The following ALPK1 variants were observed in gnomAD, a reference collection of about 807,000 sequenced individuals.
ALPK1 encodes alpha-protein kinase 1.
Under a neutral mutation model 120.6 loss-of-function variants are expected in ALPK1, and 110 were observed. The observed-to-expected ratio is 0.91, with a 90% confidence interval of 0.78 to 1.07. ALPK1 has a LOEUF of 1.07. ALPK1 is among the 50% of genes least tolerant of loss of function. ALPK1 has a pLI of 0.00. For synonymous variants in ALPK1, 582 were observed against 560.3 expected (o/e 1.04, Z -0.55); for missense variants, 1,498 against 1,483.9 (o/e 1.01, Z -0.16).
chr4:112,328,093 A>C (rs1404779113), intron 2 of ALPK1, among the ~76,000 whole-genome samples: 1 of 152,250 alleles, frequency 6.6e-6, no homozygotes, highest in Admixed American at 6.5e-5. Context: ...GCAATGACTA[A>C]AAAAGAAAGC....
At chr4:112,347,876 G>A (rs1730167231) in intron 2 of ALPK1, among the ~76,000 whole-genome samples, 1 of 152,084 alleles carries the variant, frequency 6.6e-6, no homozygotes, top group Admixed American at 6.5e-5. Flanking sequence ...TGCCTATTTC[G>A]ATTTACTTAT....
At chr4:112,358,883 G>A (rs1286301279) in intron 2 of ALPK1, 12 of 773,308 alleles carry the variant, frequency 1.6e-5, no homozygotes, top group South Asian at 4.0e-5. Flanking sequence ...CTGCCCTGGC[G>A]ACCTGTCTTG....
intron 9 of ALPK1, 117 bp from the exon 10 acceptor site, chr4:112,429,032 G>A (rs1225683683): frequency 6.9e-6 from 6 of 864,274 alleles, no homozygotes; most frequent in Non-Finnish European, 9.7e-6. Context: ...TTCTGAACGG[G>A]TTGCGGTGAG....
At chr4:112,338,373 GTTTTTTTCTATAC>G (rs1729717710) in intron 2 of ALPK1, among the ~76,000 whole-genome samples, 2 of 152,100 alleles carry the variant, frequency 1.3e-5, no homozygotes, top group Non-Finnish European at 2.9e-5. Flanking sequence ...AAAGCATAGA[GTTTTTTTCTATAC>G]TTTTTTTCTA....
At position 112,370,582 on chromosome 4, in the gene ALPK1, T is replaced by C. The variant is rs191006305; in HGVS notation, c.-100-7096T>C. Among the ~76,000 whole-genome samples, 12 of 152,332 alleles carry C rather than the reference T, an allele frequency of 7.9e-5. No homozygotes were observed. In the South Asian group the frequency reaches 1.9e-3, roughly 24 times the overall value. ...AGATTGAAAATGATTCCTTTATAAA[T>C]GAAGTTGACCAAAATTTCCAGCAGG... On this transcript the variant is annotated intron_variant, in intron 2 of 15. Coordinates refer to ENST00000650871, the MANE Select transcript of ALPK1 (RefSeq NM_025144.4).
At chr4:112,349,556 C>G (rs982873014) in intron 2 of ALPK1, among the ~76,000 whole-genome samples, 2 of 142,618 alleles carry the variant, frequency 1.4e-5, no homozygotes, top group South Asian at 4.7e-4. Flanking sequence ...CCCCTGCCCC[C>G]CCCCGCTTTA....
intron 5 of ALPK1, among the ~76,000 whole-genome samples, chr4:112,421,829 A>G (rs961916228): frequency 6.6e-6 from 1 of 152,208 alleles, no homozygotes; most frequent in African/African-American, 2.4e-5. Flanking sequence ...ATTTTTGGAT[A>G]GAGGATGCAT....
At chr4:112,348,198 C>A (rs1188750242) in intron 2 of ALPK1, among the ~76,000 whole-genome samples, 1 of 152,194 alleles carries the variant, frequency 6.6e-6, no homozygotes, top group Non-Finnish European at 1.5e-5. Context: ...AAACTGTGCT[C>A]ATTTTCCAAA....
At chr4:112,378,279 G>A (rs796224098) in intron 3 of ALPK1, among the ~76,000 whole-genome samples, 9 of 152,206 alleles carry the variant, frequency 5.9e-5, no homozygotes, top group African/African-American at 2.2e-4. Flanking sequence ...TTGCCTCATC[G>A]GTTTCCATAG....
In ALPK1 at chr4:112,395,003, A is replaced by C. The variant is rs573680221; in HGVS notation, c.276+12451A>C. On this transcript the variant is annotated intron_variant, in intron 4 of 15. Coordinates refer to ENST00000650871, the MANE Select transcript of ALPK1 (RefSeq NM_025144.4). ...GTTAGGTAAATAAGGAGCTGAAATA[A>C]TATTATCTCCATATATCTGACTGTG... Among the ~76,000 whole-genome samples, 233 of 152,332 alleles carry C rather than the reference A, an allele frequency of 1.5e-3. 2 individuals are homozygous for C. The highest frequency in any genetic ancestry group is 5.1e-3 in the African/African-American group (211 of 41,582).
intron 1 of ALPK1, among the ~76,000 whole-genome samples, chr4:112,305,875 G>T (rs1252648219): frequency 6.6e-6 from 1 of 152,012 alleles, no homozygotes; most frequent in Non-Finnish European, 1.5e-5. Flanking sequence ...GTATGATATT[G>T]GCTGTGGGTT....
At chr4:112,358,044 T>C (rs545050513) in intron 2 of ALPK1, 2 of 597,658 alleles carry the variant, frequency 3.3e-6, no homozygotes, top group Admixed American at 2.2e-5. Flanking sequence ...AGTAGTGTGA[T>C]CATCACGGGC....
At chr4:112,393,861 A>C (rs767656749) in intron 4 of ALPK1, among the ~76,000 whole-genome samples, 1 of 152,170 alleles carries the variant, frequency 6.6e-6, no homozygotes, top group African/African-American at 2.4e-5. Context: ...TAAGCTGAGT[A>C]TCATTATTCT....
Position 112,358,475 on chromosome 4 carries a change from G to T in ALPK1, c.-100-19203G>T. The T allele has an allele frequency of 4.5e-6, 3 of 666,362 alleles. No individual in the cohort carries two copies. In the East Asian group the frequency reaches 7.6e-5, roughly 17 times the overall value. 41.3% of individuals were successfully genotyped at this position (666,362 alleles called of 1,614,324 possible). ...GAAAGCTAAGAGTCTCGACCTGCAC[G>T]TCCTTAGCCTGAAGCAGAGGCCCTC... On this transcript the variant is annotated intron_variant, in intron 2 of 15. Coordinates refer to ENST00000650871, the MANE Select transcript of ALPK1 (RefSeq NM_025144.4).
chr4:112,364,123 T>C (rs1286931461), intron 2 of ALPK1, among the ~76,000 whole-genome samples: 1 of 151,872 alleles, frequency 6.6e-6, no homozygotes, highest in African/African-American at 2.4e-5. Flanking sequence ...AGAGCACAAA[T>C]AGGCAATCTA....
chr4:112,371,252 G>A (rs748970753), intron 2 of ALPK1, among the ~76,000 whole-genome samples: 14 of 152,020 alleles, frequency 9.2e-5, no homozygotes, highest in South Asian at 8.3e-4. Flanking sequence ...CCACCCTAAC[G>A]TACGCACTAC....
At position 112,306,099 on chromosome 4, in the gene ALPK1, CCACTTGAT is replaced by C. The variant is rs1297054487; in HGVS notation, c.-153+8633_-153+8640del. Among the ~76,000 whole-genome samples the C allele has an allele frequency of 1.9e-4, 29 of 151,970 alleles. 1 individual carries two copies. The highest frequency in any genetic ancestry group is 6.3e-4 in the African/African-American group (26 of 41,300). On this transcript the variant is annotated intron_variant, in intron 1 of 15. Coordinates refer to ENST00000650871, the MANE Select transcript of ALPK1 (RefSeq NM_025144.4). ...CAGCCTTGCATCCCAGGGATGAAGC[CCACTTGAT>C]CATGGTGGATAAGCTTTTTGATGCA...
intron 4 of ALPK1, chr4:112,384,545 C>A (rs1732066704): frequency 6.6e-6 from 1 of 152,222 alleles, no homozygotes; most frequent in Non-Finnish European, 1.5e-5. Flanking sequence ...AAATGTGAGA[C>A]CTCCCAACAA....
chr4:112,390,097 C>T (rs1242252123), intron 4 of ALPK1, among the ~76,000 whole-genome samples: 3 of 152,204 alleles, frequency 2.0e-5, no homozygotes, highest in Admixed American at 2.0e-4. Context: ...TAGTCTGTCA[C>T]CCTAGTATGC....
Sources: gnomAD v4.1 joint callset for allele counts (sites outside exome capture counted in the v4.1 genomes callset) on GRCh38, gnomAD v4.1.1 for gene constraint, MANE v1.5 for transcripts, NCBI Gene and HGNC (gene_info 2026-07-23, HGNC 2026-07-21) for gene names.